The following AFAP1L1 variants were observed in gnomAD, a reference collection of about 807,000 sequenced individuals.
The protein encoded by AFAP1L1 is actin filament associated protein 1 like 1.
In AFAP1L1, 77 loss-of-function variants were observed where a neutral mutation model predicts 99.8. That is an observed-to-expected ratio of 0.77 (90% CI 0.64 to 0.93). AFAP1L1 has a LOEUF of 0.93. Ranked by LOEUF, AFAP1L1 falls within the 40% of genes least tolerant of loss-of-function variation. The pLI, the probability that AFAP1L1 is intolerant of heterozygous loss-of-function variation, is 0.00. For missense variants in AFAP1L1, 893 were observed against 996.8 expected (o/e 0.90, Z 1.40); for synonymous variants, 373 against 395.3 (o/e 0.94, Z 0.67).
chr5:149,308,586 A>G (rs1057043234), intron 7 of AFAP1L1, among the ~76,000 whole-genome samples: 1 of 152,228 alleles, frequency 6.6e-6, no homozygotes, highest in African/African-American at 2.4e-5. Flanking sequence ...TCTCCCCAGA[A>G]ATCTGTTGAC....
intron 9 of AFAP1L1, among the ~76,000 whole-genome samples, chr5:149,313,138 A>G (rs865846428): frequency 5.6e-4 from 85 of 152,036 alleles, no homozygotes; most frequent in African/African-American, 2.0e-3. Flanking sequence ...AAAAAAAAAA[A>G]AAAGAGAAGG....
intron 6 of AFAP1L1, among the ~76,000 whole-genome samples, chr5:149,306,671 G>A (rs953685670): frequency 6.6e-5 from 10 of 152,232 alleles, no homozygotes; most frequent in Admixed American, 3.3e-4. Context: ...TGAGCCTCAA[G>A]TTTCCTTATC....
chr5:149,306,468 G>T lies in AFAP1L1; in HGVS notation c.535+64G>T, dbSNP rs535435718. On this transcript the variant is annotated intron_variant, in intron 6 of 18. Transcript: ENST00000296721. ...TCTGCCCTTGCAAAGAGCAGGCCTT[G>T]TCCTGGCCCTTAGCATGGGTGTGCC... 2.6e-5 allele frequency: 38 copies of T among 1,453,880 alleles called. No homozygotes were observed. In the African/African-American group the frequency reaches 4.5e-4, roughly 17 times the overall value. The allele number at this position is 1,453,880 out of a possible 1,614,324, so 90.1% of individuals were successfully genotyped here. A position where few individuals can be genotyped will look rare whatever the true frequency, so the allele number is the denominator to read the frequency against.
In AFAP1L1 at chr5:149,335,845, A is replaced by G. The variant is rs561006518; in HGVS notation, c.2283+123A>G. On this transcript the variant is annotated intron_variant, in intron 18 of 18. Coordinates refer to ENST00000296721, the MANE Select transcript of AFAP1L1 (RefSeq NM_152406.4). ...AGAGAATTGCCAATGCATTTATACA[A>G]TGAAACTCATGAACCTTCCTCAGAA... The G allele has an allele frequency of 5.4e-6, 7 of 1,298,304 alleles. No homozygotes were observed. In the African/African-American group the frequency reaches 7.5e-5, roughly 14 times the overall value. 80.4% of individuals were successfully genotyped at this position (1,298,304 alleles called of 1,614,324 possible).
At chr5:149,322,473 T>C (rs1363333312) in intron 14 of AFAP1L1, 133 bp from the exon 15 acceptor site, 2 of 586,458 alleles carry the variant, frequency 3.4e-6, no homozygotes, top group Non-Finnish European at 5.9e-6. Context: ...TTTTGAGTGC[T>C]ATGCAAGTCT....
At chr5:149,319,434 T>C in intron 12 of AFAP1L1, 148 bp from the exon 13 acceptor site, 2 of 864,780 alleles carry the variant, frequency 2.3e-6, no homozygotes, top group Non-Finnish European at 3.4e-6. Context: ...GATTTCTGGA[T>C]GTGTGCTATA....
At position 149,272,055 on chromosome 5, in the gene AFAP1L1, C is replaced by T. The variant is rs558603165; in HGVS notation, c.16+71C>T. 1,130 of 1,118,218 alleles carry T rather than the reference C, an allele frequency of 1.0e-3. 9 individuals are homozygous for T. The African/African-American group carries it at 0.014, about 14-fold the overall frequency. The allele number at this position is 1,118,218 out of a possible 1,614,324, so 69.3% of individuals were successfully genotyped here. A position where few individuals can be genotyped will look rare whatever the true frequency, so the allele number is the denominator to read the frequency against. ...AAAGGGAGACTGGACGATCTGAAGCCGGAGAGGAGGAGGGAGAGAGGCGGG... is the reference window on the plus strand; with the variant it reads ...AAAGGGAGACTGGACGATCTGAAGCTGGAGAGGAGGAGGGAGAGAGGCGGG... On this transcript the variant is annotated intron_variant, in intron 1 of 18. Coordinates refer to ENST00000296721, the MANE Select transcript of AFAP1L1 (RefSeq NM_152406.4).
chr5:149,316,930 T>C (rs1440550059), intron 11 of AFAP1L1, among the ~76,000 whole-genome samples: 3 of 152,142 alleles, frequency 2.0e-5, no homozygotes, highest in Non-Finnish European at 4.4e-5. Flanking sequence ...TTTGGGAGGC[T>C]GAGGAGGGAG....
rs753056531 is a variant in AFAP1L1 at position 149,320,349 on chromosome 5, ATCATTG to A, written c.1626-25_1626-20del. 25 of 1,592,186 alleles carry A rather than the reference ATCATTG, an allele frequency of 1.6e-5. No individual in the cohort carries two copies. The highest frequency in any genetic ancestry group is 1.3e-4 in the African/African-American group (10 of 74,612). On this transcript the variant is annotated intron_variant, in intron 13 of 18. Coordinates refer to ENST00000296721, the MANE Select transcript of AFAP1L1 (RefSeq NM_152406.4). The surrounding 1 kb of genome is among the most constrained non-coding windows in gnomAD (Gnocchi z 4.0). ...ACGAAAGCACTGTAAGCTGCAAAGC[ATCATTG>A]TCATTGTCATTGTCATCGTACATTT...
At chr5:149,314,623 C>T (rs1388306785) in intron 9 of AFAP1L1, among the ~76,000 whole-genome samples, 3 of 152,182 alleles carry the variant, frequency 2.0e-5, no homozygotes, top group Non-Finnish European at 4.4e-5. Flanking sequence ...TCTGTTTCAC[C>T]ATTTGAAGAG....
chr5:149,287,338 C>A (rs1254152164), intron 1 of AFAP1L1, among the ~76,000 whole-genome samples: 1 of 152,012 alleles, frequency 6.6e-6, no homozygotes, highest in Non-Finnish European at 1.5e-5. Flanking sequence ...ACACAGCATT[C>A]AGGATGATAG....
intron 1 of AFAP1L1, among the ~76,000 whole-genome samples, chr5:149,291,555 GA>G (rs1755861931): frequency 1.1e-5 from 1 of 88,478 alleles, no homozygotes; most frequent in Non-Finnish European, 2.4e-5. Flanking sequence ...AAAAAAGAAA[GA>G]AAGAAGAGAA....
intron 1 of AFAP1L1, among the ~76,000 whole-genome samples, chr5:149,272,448 G>A (rs867761700): frequency 1.3e-5 from 2 of 152,052 alleles, no homozygotes; most frequent in Admixed American, 6.5e-5. Context: ...GAGCAGGCGC[G>A]CGTGTGCATG....
chr5:149,312,294 A>G, intron 9 of AFAP1L1, 90 bp downstream of exon 9: 1 of 1,325,780 alleles, frequency 7.5e-7, no homozygotes, highest in Non-Finnish European at 1.1e-6. Flanking sequence ...GCTGGGGGGA[A>G]AGTCAGGCAA....
chr5:149,298,292 G>A (rs1698905493), intron 1 of AFAP1L1, among the ~76,000 whole-genome samples: 3 of 152,152 alleles, frequency 2.0e-5, no homozygotes, highest in Non-Finnish European at 2.9e-5. Context: ...TATCTTCTCT[G>A]AGCCTTAGTG....
At chr5:149,290,453 C>T (rs1755815845) in intron 1 of AFAP1L1, among the ~76,000 whole-genome samples, 1 of 152,108 alleles carries the variant, frequency 6.6e-6, no homozygotes, top group African/African-American at 2.4e-5. Context: ...CAGGTAGTTA[C>T]GGGAGTGCCC....
intron 1 of AFAP1L1, among the ~76,000 whole-genome samples, chr5:149,292,053 T>G (rs1257941209): frequency 1.3e-5 from 2 of 152,262 alleles, no homozygotes; most frequent in African/African-American, 4.8e-5. Flanking sequence ...TTCCTATGGC[T>G]TTGCATTTAA....
chr5:149,290,625 A>C (rs1755821899), intron 1 of AFAP1L1, among the ~76,000 whole-genome samples: 1 of 152,208 alleles, frequency 6.6e-6, no homozygotes, highest in South Asian at 2.1e-4. Context: ...CATGTGAGGG[A>C]TATAAGTTGA....
intron 15 of AFAP1L1, 52 bp from the exon 16 acceptor site, chr5:149,329,614 C>G: frequency 1.3e-6 from 2 of 1,534,354 alleles, no homozygotes; most frequent in Non-Finnish European, 1.7e-6. Flanking sequence ...CACACAAGTA[C>G]CTTTGCCAGA....
Sources: gnomAD v4.1 joint callset for allele counts (sites outside exome capture counted in the v4.1 genomes callset) on GRCh38, gnomAD v4.1.1 for gene constraint, Gnocchi (gnomAD v3.1) non-coding constraint, MANE v1.5 for transcripts, NCBI Gene and HGNC (gene_info 2026-07-23, HGNC 2026-07-21) for gene names.